KLHL12: variants seen among roughly 807,000 people sequenced by gnomAD.
KLHL12 encodes the protein kelch like family member 12.
KLHL12 carries 17 observed loss-of-function variants against 60.8 expected under a neutral mutation model. That is an observed-to-expected ratio of 0.28 (90% CI 0.19 to 0.42). KLHL12 has a LOEUF of 0.42. Among genes scored for constraint, KLHL12 ranks in the 10% least tolerant of loss-of-function variants. The pLI is 1.00. For synonymous variants in KLHL12, 220 were observed against 250.9 expected, an observed-to-expected ratio of 0.88 and a Z score of 1.16; for missense variants, 468 against 722.3, an observed-to-expected ratio of 0.65 and a Z score of 4.04.
rs1367357107 is a variant in KLHL12, at chr1:202,894,242, T to C, written c.1335A>G (p.Lys445=). The C allele has an allele frequency of 1.9e-6, 3 of 1,558,304 alleles. No individual in the cohort carries two copies. In the South Asian group the frequency reaches 3.5e-5, roughly 18 times the overall value. The part of the protein sequence containing the change: ...DGLNILNSVE[K]YDPHTGHWTN... The stretch of plus-strand genomic sequence containing the variant: ...TCCAATGTCCTGTATGAGGGTCGTA[T>C]TTCTCAACTGAATTTAAGATATTCA... The change falls in exon 10 of 12, where the codon AAA becomes AAG. Residue 445 remains lysine (K), a synonymous_variant. Transcript: ENST00000367261.
At chr1:202,919,304 G>C (rs1255253060) in intron 3 of KLHL12, among the ~76,000 whole-genome samples, 4 of 152,110 alleles carry the variant, frequency 2.6e-5, no homozygotes, top group Admixed American at 2.6e-4. Flanking sequence ...CAAACCACCT[G>C]TAATCCTGTG....
upstream of KLHL12, chr1:202,928,423 C>A: frequency 9.5e-7 from 1 of 1,053,540 alleles, no homozygotes; most frequent in South Asian, 1.3e-5. Context: ...GCAGGGCAGG[C>A]AGAGAGAATT....
rs780577037 is a variant in KLHL12 at position 202,893,352 on chromosome 1, G to A, written c.1467C>T (p.Ser489=). 8.1e-6 allele frequency: 13 copies of A among 1,613,844 alleles called. No homozygotes were observed. Among genetic ancestry groups the A allele is most frequent in the East Asian group, 2.2e-5 (1 of 44,890 alleles). ...CAGTGCGAATGTTGTATGCTTCAACGGAAGAAAGGTGGGCTGTACCATCAA... is the reference window on the plus strand; with the variant it reads ...CAGTGCGAATGTTGTATGCTTCAACAGAAGAAAGGTGGGCTGTACCATCAA... The part of the protein sequence containing the change: ...GGFDGTAHLS[S]VEAYNIRTDS... The change falls in exon 11 of 12, where the codon TCC becomes TCT. Residue 489 remains serine, a synonymous_variant. Coordinates refer to ENST00000367261, the MANE Select transcript of KLHL12 (RefSeq NM_021633.4). The surrounding 1 kb of genome is among the most constrained non-coding windows in gnomAD (Gnocchi z 4.1).
intron 3 of KLHL12, among the ~76,000 whole-genome samples, chr1:202,918,627 G>T (rs1274856556): frequency 6.6e-6 from 1 of 152,124 alleles, no homozygotes; most frequent in Non-Finnish European, 1.5e-5. Flanking sequence ...AATGAGTATT[G>T]CAAGATGAAT....
Position 202,918,080 on chromosome 1 carries a change from T to C in KLHL12, c.567+91A>G. 3.3e-6 allele frequency: 3 copies of C among 910,986 alleles called. No homozygotes were observed. The South Asian group carries it at 4.7e-5, about 14-fold the overall frequency. The allele number at this position is 910,986 out of a possible 1,614,324, so 56.4% of individuals were successfully genotyped here. The stretch of plus-strand genomic sequence containing the variant: ...TTGAGCCAAAATGCACACTTAATTA[T>C]GAAGCCCTGATGGTAAGTAACTGCA... On this transcript the variant is annotated intron_variant, in intron 4 of 11. Transcript: ENST00000367261.
At chr1:202,908,348 A>T (rs1660258202) in intron 6 of KLHL12, among the ~76,000 whole-genome samples, 1 of 152,246 alleles carries the variant, frequency 6.6e-6, no homozygotes, top group Admixed American at 6.5e-5. Flanking sequence ...TTGCTAAGAT[A>T]ATAGCTAATA....
At chr1:202,899,844 T>C (rs796591734) in intron 6 of KLHL12, among the ~76,000 whole-genome samples, 1 of 145,370 alleles carries the variant, frequency 6.9e-6, no homozygotes, top group Non-Finnish European at 1.5e-5. Flanking sequence ...AAAAAAATAA[T>C]AATAATAAAT....
At chr1:202,917,443 AC>A (rs1235834349) in intron 4 of KLHL12, among the ~76,000 whole-genome samples, 1 of 63,376 alleles carries the variant, frequency 1.6e-5, no homozygotes, top group Non-Finnish European at 4.2e-5. Flanking sequence ...AAACTCCTGG[AC>A]ACAAGCAGTT....
At chr1:202,926,311 G>A (rs1338839040) in intron 1 of KLHL12, among the ~76,000 whole-genome samples, 3 of 152,032 alleles carry the variant, frequency 2.0e-5, no homozygotes, top group Admixed American at 1.3e-4. Flanking sequence ...TGATCCGGGG[G>A]GAAGGAAATC....
chr1:202,897,128 T>C (rs1659859174), intron 6 of KLHL12, among the ~76,000 whole-genome samples, 168 bp from the exon 7 acceptor site: 1 of 152,192 alleles, frequency 6.6e-6, no homozygotes, highest in South Asian at 2.1e-4. Flanking sequence ...GGGAGTTATT[T>C]TTCCTTGAGG....
intron 6 of KLHL12, among the ~76,000 whole-genome samples, chr1:202,908,051 A>C (rs1660248992): frequency 6.6e-6 from 1 of 152,220 alleles, no homozygotes; most frequent in Non-Finnish European, 1.5e-5. Context: ...ATACCACCCC[A>C]TACATATAGA....
At chr1:202,911,799 C>T (rs1008695917) in intron 4 of KLHL12, 2 of 705,730 alleles carry the variant, frequency 2.8e-6, no homozygotes, top group African/African-American at 1.8e-5. Flanking sequence ...AAGTCTCTCT[C>T]CTCCCTGCCG....
At chr1:202,918,108 C>G (rs1660576653) in intron 4 of KLHL12, 63 bp downstream of exon 4, 2 of 1,221,590 alleles carry the variant, frequency 1.6e-6, no homozygotes. Flanking sequence ...TAACTGCATC[C>G]TATTTGCAAG....
intron 6 of KLHL12, among the ~76,000 whole-genome samples, chr1:202,906,455 C>CACA (rs1482660497): frequency 1.9e-5 from 1 of 52,746 alleles, no homozygotes; most frequent in African/African-American, 6.9e-5. Context: ...CGCTTCGTCT[C>CACA]AAAAAAAAAA....
intron 6 of KLHL12, among the ~76,000 whole-genome samples, chr1:202,899,655 G>A (rs142201030): frequency 1.3e-5 from 2 of 149,956 alleles, no homozygotes; most frequent in African/African-American, 4.9e-5. Flanking sequence ...GCAAAACCCC[G>A]TCTCTACTAA....
At chr1:202,916,420 G>A (rs1460079967) in intron 4 of KLHL12, among the ~76,000 whole-genome samples, 3 of 152,236 alleles carry the variant, frequency 2.0e-5, no homozygotes, top group Non-Finnish European at 2.9e-5. Flanking sequence ...TTAGGAGGCT[G>A]AAGTGGCTGA....
chr1:202,916,329 G>A (rs1660518795), intron 4 of KLHL12, among the ~76,000 whole-genome samples: 2 of 152,234 alleles, frequency 1.3e-5, no homozygotes. Context: ...AGAGAAAGGT[G>A]TAAAGAAACA....
rs1293644382 is a variant in KLHL12 at position 202,926,125 on chromosome 1, A to T, written c.-45-918T>A. 3.3e-5 allele frequency among the ~76,000 whole-genome samples: 5 copies of T among 150,372 alleles called. No homozygotes were observed. The East Asian group carries it at 9.7e-4, about 29-fold the overall frequency. On this transcript the variant is annotated intron_variant, in intron 1 of 11. Coordinates refer to ENST00000367261, the MANE Select transcript of KLHL12 (RefSeq NM_021633.4). ...GTCTCAAAAAAAAAAAAAAAAAAAG[A>T]AACTTCAATTGAGGACCCATTACCT... is the stretch of plus-strand genomic sequence containing the variant.
At chr1:202,907,077 C>A (rs1022812986) in intron 6 of KLHL12, among the ~76,000 whole-genome samples, 1 of 152,198 alleles carries the variant, frequency 6.6e-6, no homozygotes, top group African/African-American at 2.4e-5. Flanking sequence ...GTCCTTCAAT[C>A]TATCTTGTGT....
Sources: gnomAD v4.1 joint callset for allele counts (sites outside exome capture counted in the v4.1 genomes callset) on GRCh38, gnomAD v4.1.1 for gene constraint, Gnocchi (gnomAD v3.1) non-coding constraint, MANE v1.5 for transcripts, NCBI Gene and HGNC (gene_info 2026-07-23, HGNC 2026-07-21) for gene names.